The following SYNE2 variants were observed in gnomAD, a reference collection of about 807,000 sequenced individuals.
SYNE2 encodes the protein spectrin repeat containing nuclear envelope protein 2.
Under a neutral mutation model 856.3 loss-of-function variants are expected in SYNE2, and 431 were observed. The observed-to-expected ratio is 0.50, with a 90% CI of 0.47 to 0.55. The LOEUF is 0.55. Ranked by LOEUF, SYNE2 falls within the 20% of genes least tolerant of loss-of-function variation. The probability of loss-of-function intolerance (pLI) is 0.00; values close to 1 mark genes in which losing one functional copy is unlikely to be tolerated. For missense variants in SYNE2, 8,129 were observed against 8,023.2 expected (o/e 1.01, Z -0.50); for synonymous variants, 2,923 against 2,872.3 (o/e 1.02, Z -0.56).
At chr14:64,072,503 CTT>C (rs35527459) in intron 52 of SYNE2, among the ~76,000 whole-genome samples, 223 of 143,768 alleles carry the variant, frequency 1.6e-3, no homozygotes, top group Non-Finnish European at 1.8e-3. Context: ...TATACTTCTC[CTT>C]TTTTTTTTTT....
rs76067371 is a variant in SYNE2, at chr14:64,102,674, G to A, written c.12492+632G>A. 2.6e-5 allele frequency among the ~76,000 whole-genome samples: 4 copies of A among 151,678 alleles called. No homozygotes were observed. In the East Asian group the frequency reaches 7.7e-4, roughly 29 times the overall value. On this transcript the variant is annotated intron_variant, in intron 64 of 115. Coordinates refer to ENST00000555002, the MANE Select transcript of SYNE2 (RefSeq NM_182914.3). ...TAATTAGAACACCTAAAATCTAGTC[G>A]CTTAGCAACTTTTAAGTATACAATA...
intron 1 of SYNE2, among the ~76,000 whole-genome samples, chr14:63,791,784 A>G (rs2139768367): frequency 6.6e-6 from 1 of 152,196 alleles, no homozygotes; most frequent in Non-Finnish European, 1.5e-5. Context: ...TCTACTAAAA[A>G]ATACAAAAAA....
intron 45 of SYNE2, among the ~76,000 whole-genome samples, chr14:64,033,563 A>G (rs1445282421): frequency 6.6e-6 from 1 of 151,614 alleles, no homozygotes; most frequent in African/African-American, 2.4e-5. Flanking sequence ...GCACATGCCT[A>G]TAGTCCCAGC....
Position 64,017,692 on chromosome 14 carries a change from C to T in SYNE2, c.4985C>T (p.Thr1662Ile). 6.2e-7 allele frequency: 1 copy of T among 1,613,600 alleles called. No individual in the cohort carries two copies. The highest frequency in any genetic ancestry group is 8.5e-7 in the Non-Finnish European group (1 of 1,179,756). Residue 1662 changes from threonine (T) to isoleucine (I), a missense_variant, in exon 34 of 116, where the codon ACA (threonine) becomes ATA (isoleucine). By Grantham distance (89) the Thr-to-Ile change is moderately conservative. Around this residue, in one of 3 missense-constraint regions of SYNE2, gnomAD observed 2,422 missense variants for 2,357.4 expected, o/e 1.03. Coordinates refer to ENST00000555002, the MANE Select transcript of SYNE2 (RefSeq NM_182914.3). ...TTAAAAAATGTCATTGATGAGTGGA[C>T]AGAAAAGGCCCTTCAAAAAATGGAA... is the stretch of plus-strand genomic sequence containing the variant. ...FNLKNVIDEW[T>I]EKALQKMELH...
chr14:63,846,613 T>G (rs924074053), intron 1 of SYNE2, among the ~76,000 whole-genome samples: 1 of 147,536 alleles, frequency 6.8e-6, no homozygotes, highest in African/African-American at 2.5e-5. Flanking sequence ...TTGTTTGTTT[T>G]GAGATGGAGT....
intron 2 of SYNE2, among the ~76,000 whole-genome samples, chr14:63,918,448 C>T (rs1484209688): frequency 1.3e-5 from 2 of 152,120 alleles, no homozygotes; most frequent in Non-Finnish European, 1.5e-5. Flanking sequence ...CAGTTTACTA[C>T]CACCAGGTAT....
intron 72 of SYNE2, 21 bp downstream of exon 72, chr14:64,126,500 C>G: frequency 6.2e-7 from 1 of 1,614,120 alleles, no homozygotes. Context: ...TCTCACGAGC[C>G]CATGTGTTGG....
At chr14:64,224,687 G>A (rs2098710345) in intron 114 of SYNE2, 140 bp downstream of exon 114, 2 of 945,818 alleles carry the variant, frequency 2.1e-6, no homozygotes, top group South Asian at 2.8e-5. Flanking sequence ...GAGGCTTACA[G>A]TCTGCCTCTA....
intron 1 of SYNE2, among the ~76,000 whole-genome samples, chr14:63,815,080 C>T (rs1254321596): frequency 9.0e-6 from 1 of 111,164 alleles, no homozygotes; most frequent in African/African-American, 3.3e-5. Context: ...ATATATATAT[C>T]CATATATATG....
At chr14:63,850,382 C>G (rs1313338374), upstream of SYNE2, among the ~76,000 whole-genome samples, 1 of 151,844 alleles carries the variant, frequency 6.6e-6, no homozygotes, top group Non-Finnish European at 1.5e-5. Context: ...GTCACTGCAC[C>G]TGGCCGACAA....
At chr14:64,005,303 G>A in intron 30 of SYNE2, among the ~76,000 whole-genome samples, 1 of 152,220 alleles carries the variant, frequency 6.6e-6, no homozygotes, top group East Asian at 1.9e-4. Context: ...AGTCTGGTTT[G>A]ACCTATTGTA....
intron 35 of SYNE2, among the ~76,000 whole-genome samples, chr14:64,020,932 A>G (rs1417615178): frequency 6.6e-6 from 1 of 152,218 alleles, no homozygotes; most frequent in Non-Finnish European, 1.5e-5. Context: ...AGTGCTTACC[A>G]CAATGCTGTG....
chr14:63,901,151 T>G (rs1309489332), intron 1 of SYNE2, among the ~76,000 whole-genome samples: 1 of 152,246 alleles, frequency 6.6e-6, no homozygotes, highest in Non-Finnish European at 1.5e-5. Flanking sequence ...TAACAAACTG[T>G]CTACTAATGA....
intron 82 of SYNE2, 114 bp from the exon 83 acceptor site, chr14:64,143,658 G>C (rs1035037693): frequency 7.8e-5 from 85 of 1,088,830 alleles, no homozygotes; most frequent in Non-Finnish European, 5.3e-5. Flanking sequence ...CTCCTGACAG[G>C]TGCCCCTTGA....
At chr14:64,219,176 G>A in intron 109 of SYNE2, 32 bp from the exon 110 acceptor site, 1 of 1,482,690 alleles carries the variant, frequency 6.7e-7, no homozygotes, top group Admixed American at 1.8e-5. Context: ...TTGCATTATT[G>A]CTTTTTTTAA....
chr14:63,977,910 G>A lies in SYNE2; in HGVS notation c.1299G>A (p.Leu433=). The change falls in exon 13 of 116, where the codon CTG becomes CTA. Residue 433 remains leucine (L), a synonymous_variant. Coordinates refer to ENST00000555002, the MANE Select transcript of SYNE2 (RefSeq NM_182914.3). ...CATGCTGAATTTCTTTTCAGAGCCT[G>A]ATGGATAGATTTGAGCATCATTCGA... ...IQEKMTLFKS[L]MDRFEHHSNI... is the part of the protein sequence containing the mutation. 3 of 1,610,722 alleles carry A rather than the reference G, an allele frequency of 1.9e-6. No individual in the cohort carries two copies. Among genetic ancestry groups the A allele is most frequent in the South Asian group, 1.1e-5 (1 of 91,006 alleles).
chr14:63,813,406 G>C (rs1279226513), intron 1 of SYNE2, among the ~76,000 whole-genome samples: 1 of 152,200 alleles, frequency 6.6e-6, no homozygotes, highest in African/African-American at 2.4e-5. Flanking sequence ...GTGTAAACCT[G>C]AATTAATCTA....
At chr14:63,905,033 TAC>T in intron 1 of SYNE2, among the ~76,000 whole-genome samples, 5 of 152,308 alleles carry the variant, frequency 3.3e-5, no homozygotes, top group African/African-American at 1.2e-4. Flanking sequence ...CATATGGCTA[TAC>T]AGTTATCCCA....
chr14:63,975,633 C>T (rs2096536308), intron 11 of SYNE2, among the ~76,000 whole-genome samples: 1 of 152,210 alleles, frequency 6.6e-6, no homozygotes. Context: ...TGCACCCAAC[C>T]TGTACATGTA....
Sources: gnomAD v4.1 joint callset for allele counts (sites outside exome capture counted in the v4.1 genomes callset) on GRCh38, gnomAD v4.1.1 for gene constraint, gnomAD v4.1.1 regional missense constraint, MANE v1.5 for transcripts, NCBI Gene and HGNC (gene_info 2026-07-23, HGNC 2026-07-21) for gene names.